UHRF2: variants seen among roughly 807,000 people sequenced by gnomAD.
The protein encoded by UHRF2 is ubiquitin like with PHD and ring finger domains 2, also known as E3 ubiquitin-protein ligase UHRF2.
Under a neutral mutation model 96.8 loss-of-function variants are expected in UHRF2, and 23 were observed. The observed-to-expected ratio is 0.24, with a 90% CI of 0.17 to 0.34. The LOEUF is 0.34. UHRF2 is among the 10% of genes least tolerant of loss of function. UHRF2 has a pLI of 1.00. For synonymous variants in UHRF2, 385 were observed against 332.6 expected (o/e 1.16, Z -1.72); for missense variants, 685 against 981.5 (o/e 0.70, Z 4.04).
chr9:6,419,000 A>G (rs1039485591), intron 1 of UHRF2, among the ~76,000 whole-genome samples: 18 of 152,074 alleles, frequency 1.2e-4, no homozygotes, highest in Admixed American at 1.1e-3. Flanking sequence ...GTGTCTTCAC[A>G]TTGTCTTCCG....
chr9:6,426,652 G>A (rs959276059), intron 2 of UHRF2, among the ~76,000 whole-genome samples: 3 of 152,140 alleles, frequency 2.0e-5, no homozygotes, highest in South Asian at 2.1e-4. Context: ...GTTTGTAATC[G>A]GTATTCTGCC....
chr9:6,451,483 G>A (rs1343753985), intron 3 of UHRF2, among the ~76,000 whole-genome samples: 1 of 141,024 alleles, frequency 7.1e-6, no homozygotes. Flanking sequence ...TTTTTTGTTT[G>A]TTTGTTTGTT....
At chr9:6,439,723 T>G (rs1821051945) in intron 3 of UHRF2, among the ~76,000 whole-genome samples, 1 of 152,188 alleles carries the variant, frequency 6.6e-6, no homozygotes. Flanking sequence ...AGATTTAGAT[T>G]TCAAGGAATT....
intron 4 of UHRF2, among the ~76,000 whole-genome samples, chr9:6,469,551 A>G (rs1823089151): frequency 6.6e-6 from 1 of 151,834 alleles, no homozygotes; most frequent in Non-Finnish European, 1.5e-5. Context: ...AAAATAACAA[A>G]TAAGACACAG....
At chr9:6,488,628 A>G (rs1307148380) in intron 9 of UHRF2, among the ~76,000 whole-genome samples, 2 of 143,112 alleles carry the variant, frequency 1.4e-5, no homozygotes, top group South Asian at 2.2e-4. Context: ...GTTCACTGCA[A>G]GCAGCCTCCT....
rs553468332 is a variant in UHRF2, at chr9:6,469,062, G to C, written c.864-6329G>C. Among the ~76,000 whole-genome samples, 6 of 152,268 alleles carry C rather than the reference G, an allele frequency of 3.9e-5. No individual in the cohort carries two copies. The East Asian group carries it at 1.2e-3, about 29-fold the overall frequency. On this transcript the variant is annotated intron_variant, in intron 4 of 15. Transcript: ENST00000276893. ...TACCAATTATGGGAATAGACCCATAGGTGATCTTGATAATTCAAGTTATCA... is the reference window on the plus strand; with the variant it reads ...TACCAATTATGGGAATAGACCCATACGTGATCTTGATAATTCAAGTTATCA...
chr9:6,497,108 GGTATA>G (rs1436423940), intron 10 of UHRF2, 85 bp from the exon 11 acceptor site: 8 of 1,118,562 alleles, frequency 7.2e-6, no homozygotes, highest in Non-Finnish European at 1.0e-5. Context: ...CATCAGGTAA[GGTATA>G]ATTCACCTTT....
At chr9:6,470,159 G>C (rs936339246) in intron 4 of UHRF2, among the ~76,000 whole-genome samples, 2 of 152,124 alleles carry the variant, frequency 1.3e-5, no homozygotes, top group African/African-American at 2.4e-5. Flanking sequence ...GATCACTTGA[G>C]GTCAGGAATT....
intron 1 of UHRF2, among the ~76,000 whole-genome samples, chr9:6,416,603 C>T (rs1819615103): frequency 7.7e-6 from 1 of 129,696 alleles, no homozygotes; most frequent in African/African-American, 3.0e-5. Flanking sequence ...AGTGCTGTGG[C>T]GCGATCTCCG....
intron 3 of UHRF2, among the ~76,000 whole-genome samples, chr9:6,438,721 T>C (rs933391120): frequency 6.6e-6 from 1 of 152,170 alleles, no homozygotes; most frequent in African/African-American, 2.4e-5. Flanking sequence ...TTAAAAGCTG[T>C]TTTTTATAGT....
In UHRF2 at chr9:6,421,714, G is replaced by A. The variant is rs749231354; in HGVS notation, c.384+572G>A. 7.2e-5 allele frequency among the ~76,000 whole-genome samples: 11 copies of A among 152,164 alleles called. No individual in the cohort carries two copies. In the East Asian group the frequency reaches 1.2e-3, roughly 16 times the overall value. The stretch of plus-strand genomic sequence containing the variant: ...TTACCGGGGTGAGCCACCTCGCCCA[G>A]CCTTAAATACCTGTTTAAAGCCTCG... On this transcript the variant is annotated intron_variant, in intron 2 of 15. Coordinates refer to ENST00000276893, the MANE Select transcript of UHRF2 (RefSeq NM_152896.3).
chr9:6,487,835 G>C (rs1163359199), intron 9 of UHRF2, among the ~76,000 whole-genome samples: 1 of 152,130 alleles, frequency 6.6e-6, no homozygotes, highest in African/African-American at 2.4e-5. Flanking sequence ...TCTTCTTTAA[G>C]TTTTCTCTTT....
intron 3 of UHRF2, among the ~76,000 whole-genome samples, chr9:6,456,940 A>T (rs1340673962): frequency 6.6e-6 from 1 of 152,198 alleles, no homozygotes; most frequent in Non-Finnish European, 1.5e-5. Flanking sequence ...GTCAGGTAGC[A>T]TGATGCCACC....
chr9:6,476,040 C>A (rs769602205), intron 5 of UHRF2, among the ~76,000 whole-genome samples: 5 of 152,184 alleles, frequency 3.3e-5, no homozygotes, highest in Admixed American at 6.5e-5. Flanking sequence ...TGTCCCACTT[C>A]CCTTCCCAGA....
intron 2 of UHRF2, among the ~76,000 whole-genome samples, chr9:6,423,223 C>A (rs1202397531): frequency 6.6e-6 from 1 of 152,120 alleles, no homozygotes; most frequent in Non-Finnish European, 1.5e-5. Flanking sequence ...AAAGAAAGTA[C>A]CAGGCTTGGA....
chr9:6,503,245 C>T (rs1423617224), intron 14 of UHRF2, among the ~76,000 whole-genome samples: 1 of 152,222 alleles, frequency 6.6e-6, no homozygotes. Context: ...ATCCACCCGC[C>T]TCAGCCTCCC....
intron 1 of UHRF2, among the ~76,000 whole-genome samples, chr9:6,416,590 G>A (rs1274666051): frequency 6.8e-6 from 1 of 147,386 alleles, no homozygotes; most frequent in Admixed American, 6.8e-5. Flanking sequence ...TCGCCCAGGC[G>A]GGAGTGCTGT....
chr9:6,422,403 C>T (rs1373016466), intron 2 of UHRF2, among the ~76,000 whole-genome samples: 2 of 151,892 alleles, frequency 1.3e-5, no homozygotes, highest in South Asian at 2.1e-4. Context: ...TCCCTTTCTC[C>T]TATCTCCCCA....
intron 8 of UHRF2, 103 bp from the exon 9 acceptor site, chr9:6,486,718 C>T (rs1188934039): frequency 1.9e-6 from 2 of 1,059,672 alleles, no homozygotes; most frequent in East Asian, 2.6e-5. Flanking sequence ...CTGTGAGACT[C>T]ACTTCTTGGG....
Sources: gnomAD v4.1 joint callset for allele counts (sites outside exome capture counted in the v4.1 genomes callset) on GRCh38, gnomAD v4.1.1 for gene constraint, MANE v1.5 for transcripts, NCBI Gene and HGNC (gene_info 2026-07-23, HGNC 2026-07-21) for gene names.